GGA1: variants seen among roughly 807,000 people sequenced by gnomAD.
GGA1 encodes ADP-ribosylation factor-binding protein GGA1.
A neutral mutation model predicts 76.9 loss-of-function variants in GGA1; 18 were observed. The ratio of observed to expected loss-of-function variants is 0.23; its 90% CI spans 0.16 to 0.35. GGA1 has a LOEUF of 0.35. Among genes scored for constraint, GGA1 ranks in the 10% least tolerant of loss-of-function variants. The pLI is 1.00. For missense variants in GGA1, 755 were observed against 859.0 expected, an observed-to-expected ratio of 0.88 and a Z score of 1.51; for synonymous variants, 342 against 354.7, an observed-to-expected ratio of 0.96 and a Z score of 0.40.
At chr22:37,616,544 T>C (rs1193280125) in intron 2 of GGA1, among the ~76,000 whole-genome samples, 2 of 152,214 alleles carry the variant, frequency 1.3e-5, no homozygotes, top group Non-Finnish European at 2.9e-5. Context: ...CCCAGGGAAC[T>C]GTGTCTGCCC....
chr22:37,625,203 G>T lies in GGA1; in HGVS notation c.940+127G>T. 1 of 819,772 alleles carries T rather than the reference G, an allele frequency of 1.2e-6. No individual in the cohort carries two copies. Among genetic ancestry groups the T allele is most frequent in the Non-Finnish European group, 1.9e-6 (1 of 515,242 alleles). 50.8% of individuals were successfully genotyped at this position (819,772 alleles called of 1,614,324 possible). A position where few individuals can be genotyped will look rare whatever the true frequency, so the allele number is the denominator to read the frequency against. On this transcript the variant is annotated intron_variant, in intron 10 of 16. Coordinates refer to ENST00000343632, the MANE Select transcript of GGA1 (RefSeq NM_013365.5). The surrounding 1 kb of genome is among the most constrained non-coding windows in gnomAD (Gnocchi z 4.1). The stretch of plus-strand genomic sequence containing the variant: ...AGGGTGACCCTGGCCCCTTAAGATG[G>T]GGAAGGCCCCAGGGAGGGAGCTGGG...
intron 14 of GGA1, 28 bp from the exon 15 acceptor site, chr22:37,631,968 C>T (rs1458719948): frequency 1.9e-6 from 3 of 1,582,620 alleles, no homozygotes; most frequent in Non-Finnish European, 2.6e-6. Flanking sequence ...GCTCAGCTGT[C>T]CCATCGCCCT....
Position 37,623,497 on chromosome 22 carries a change from C to G in GGA1, c.750+30C>G, listed in dbSNP as rs750123170. ...ACCTGCCTCCCTGCCTACCCCACTC[C>G]CTGCCCACTCCACAGCCCACGCGGA... On this transcript the variant is annotated intron_variant, in intron 8 of 16. Coordinates refer to ENST00000343632, the MANE Select transcript of GGA1 (RefSeq NM_013365.5). The surrounding 1 kb of genome is among the most constrained non-coding windows in gnomAD (Gnocchi z 4.6). 6.2e-7 allele frequency: 1 copy of G among 1,613,424 alleles called. No homozygotes were observed. The highest frequency in any genetic ancestry group is 1.7e-5 in the Admixed American group (1 of 60,026).
intron 5 of GGA1, 114 bp downstream of exon 5, chr22:37,620,475 C>G: frequency 1.8e-6 from 2 of 1,120,802 alleles, no homozygotes; most frequent in Non-Finnish European, 2.6e-6. Flanking sequence ...TGGGTCTGTC[C>G]TTTAACTTCT....
At chr22:37,629,340 C>G (rs1601556091) in intron 11 of GGA1, 122 bp from the exon 12 acceptor site, 1 of 661,398 alleles carries the variant, frequency 1.5e-6, no homozygotes, top group East Asian at 3.2e-5. Flanking sequence ...GTGGGTTTCT[C>G]CCCTCCGTGC....
intron 1 of GGA1, among the ~76,000 whole-genome samples, chr22:37,610,904 C>T (rs1927418868): frequency 6.6e-6 from 1 of 152,218 alleles, no homozygotes; most frequent in African/African-American, 2.4e-5. Context: ...CCCTGGCTTT[C>T]AGCCAGAGGC....
At chr22:37,609,430 C>G (rs1412318429) in intron 1 of GGA1, 1 of 628,396 alleles carries the variant, frequency 1.6e-6, no homozygotes, top group Non-Finnish European at 2.1e-6. Context: ...CCTCCCGCCG[C>G]TCCTAGTCTC....
intron 11 of GGA1, among the ~76,000 whole-genome samples, chr22:37,627,875 G>T (rs533974675): frequency 6.6e-6 from 1 of 152,348 alleles, no homozygotes; most frequent in East Asian, 1.9e-4. Flanking sequence ...TGGGAGACAG[G>T]TTCCTGTCCC....
chr22:37,623,506 T>C lies in GGA1; in HGVS notation c.750+39T>C, dbSNP rs748819839. On this transcript the variant is annotated intron_variant, in intron 8 of 16. Coordinates refer to ENST00000343632, the MANE Select transcript of GGA1 (RefSeq NM_013365.5). The surrounding 1 kb of genome is among the most constrained non-coding windows in gnomAD (Gnocchi z 4.6). ...CCTGCCTACCCCACTCCCTGCCCAC[T>C]CCACAGCCCACGCGGACCCTGACCC... The C allele has an allele frequency of 6.8e-6, 11 of 1,613,022 alleles. No individual in the cohort carries two copies. The South Asian group carries it at 7.7e-5, about 11-fold the overall frequency.
chr22:37,621,950 A>G (rs566869309), intron 7 of GGA1, among the ~76,000 whole-genome samples: 41 of 151,306 alleles, frequency 2.7e-4, no homozygotes, highest in Non-Finnish European at 5.3e-4. Context: ...AGGCCTTAGT[A>G]TATTTTTAAA....
Position 37,632,616 on chromosome 22 carries a change from C to T in GGA1, c.1825C>T (p.Arg609Cys), listed in dbSNP as rs751065837. The T allele has an allele frequency of 1.9e-5, 31 of 1,612,406 alleles. No homozygotes were observed. The highest frequency in any genetic ancestry group is 4.0e-5 in the African/African-American group (3 of 74,906). Residue 609 changes from arginine to cysteine, a missense_variant, in exon 17 of 17, where the codon CGC (arginine) becomes TGC (cysteine). By Grantham distance (180) the Arg-to-Cys change is radical. Coordinates refer to ENST00000343632, the MANE Select transcript of GGA1 (RefSeq NM_013365.5). The surrounding 1 kb of genome is among the most constrained non-coding windows in gnomAD (Gnocchi z 5.1). ...ANPQKEKVRL[R>C]YKLTFTMGDQ... ...TCTTCCCCAGGAGAAGGTTCGCCTC[C>T]GCTACAAGCTCACCTTCACCATGGG...
At chr22:37,610,967 C>G (rs747806538) in intron 1 of GGA1, among the ~76,000 whole-genome samples, 5 of 152,230 alleles carry the variant, frequency 3.3e-5, no homozygotes, top group Non-Finnish European at 5.9e-5. Flanking sequence ...TCACTGGCGT[C>G]TGACCCAGGA....
At chr22:37,618,777 C>T (rs576345810) in intron 4 of GGA1, among the ~76,000 whole-genome samples, 3 of 152,188 alleles carry the variant, frequency 2.0e-5, no homozygotes, top group South Asian at 2.1e-4. Flanking sequence ...TGGCCAGGGG[C>T]GGGGCAGCCA....
Position 37,620,860 on chromosome 22 carries a change from C to T in GGA1, c.475C>T (p.Leu159Phe). Residue 159 changes from leucine (L) to phenylalanine (F), a missense_variant, in exon 6 of 17, where the codon CTT becomes TTT. Physicochemically the swap from Leu to Phe is conservative, Grantham distance 22 (BLOSUM62 0). Transcript: ENST00000343632. ...PKLPDDTTFPLPPPRPKNVIF... is the reference protein window; with the variant it reads ...PKLPDDTTFPFPPPRPKNVIF... ...GCTTCCAGATGACACTACCTTTCCCCTTCCTCCTCCACGGCCGAAGAATGT... is the reference window on the plus strand; with the variant it reads ...GCTTCCAGATGACACTACCTTTCCCTTTCCTCCTCCACGGCCGAAGAATGT... 3.1e-6 allele frequency: 5 copies of T among 1,613,062 alleles called. No homozygotes were observed. The highest frequency in any genetic ancestry group is 4.2e-6 in the Non-Finnish European group (5 of 1,178,978).
chr22:37,609,073 C>A, intron 1 of GGA1, 170 bp downstream of exon 1: 1 of 1,489,844 alleles, frequency 6.7e-7, no homozygotes, highest in Non-Finnish European at 8.9e-7. Context: ...CGATGGAGGA[C>A]CCCGGCCCCG....
intron 2 of GGA1, 33 bp from the exon 3 acceptor site, chr22:37,616,889 C>T (rs772855924): frequency 3.2e-6 from 5 of 1,564,382 alleles, no homozygotes; most frequent in Admixed American, 3.9e-5. Context: ...GACTCCGTGG[C>T]GACTCTGGCT....
chr22:37,619,609 C>G (rs958005101), intron 4 of GGA1, among the ~76,000 whole-genome samples: 1 of 152,190 alleles, frequency 6.6e-6, no homozygotes, highest in Non-Finnish European at 1.5e-5. Context: ...AACTCCTGAC[C>G]TCATGATCCA....
chr22:37,617,300 G>A (rs1928997061), intron 3 of GGA1: 3 of 1,292,414 alleles, frequency 2.3e-6, no homozygotes, highest in African/African-American at 3.1e-5. Context: ...TTCAACACAT[G>A]GAATCAGGGC....
At position 37,621,702 on chromosome 22, in the gene GGA1, G is replaced by A. The variant is rs369010190; in HGVS notation, c.609+6G>A. 3.0e-5 allele frequency: 47 copies of A among 1,550,348 alleles called. No individual in the cohort carries two copies. Among genetic ancestry groups the A allele is most frequent in the Non-Finnish European group, 3.4e-5 (39 of 1,144,842 alleles). On this transcript the variant is annotated splice_donor_region_variant and intron_variant, in intron 7 of 16. Coordinates refer to ENST00000343632, the MANE Select transcript of GGA1 (RefSeq NM_013365.5). ...TCAAAGAGATGGTGCAGGAGGTAGC[G>A]GCCGAGCCCAGAGCACAGGGAGGAG... is the stretch of plus-strand genomic sequence containing the variant.
Sources: gnomAD v4.1 joint callset for allele counts (sites outside exome capture counted in the v4.1 genomes callset) on GRCh38, gnomAD v4.1.1 for gene constraint, Gnocchi (gnomAD v3.1) non-coding constraint, MANE v1.5 for transcripts, NCBI Gene and HGNC (gene_info 2026-07-23, HGNC 2026-07-21) for gene names.